Variants in TMPRSS11B observed in about 807,000 individuals in gnomAD.
TMPRSS11B encodes the protein transmembrane protease serine 11B.
Under a neutral mutation model 44.7 loss-of-function variants are expected in TMPRSS11B, and 53 were observed. The observed-to-expected ratio is 1.19, with a 90% CI of 0.95 to 1.49. TMPRSS11B has a LOEUF of 1.49. Among genes scored for constraint, TMPRSS11B ranks in the 40% most tolerant of loss-of-function variants. The probability of loss-of-function intolerance (pLI) is 0.00; values close to 1 mark genes in which losing one functional copy is unlikely to be tolerated. For synonymous variants in TMPRSS11B, 140 were observed against 159.2 expected (o/e 0.88, Z 0.91); for missense variants, 526 against 494.8 (o/e 1.06, Z -0.60).
chr4:68,232,371 A>G lies in TMPRSS11B; in HGVS notation c.508+7T>C. 1 of 1,611,634 alleles carries G rather than the reference A, an allele frequency of 6.2e-7. No homozygotes were observed. The highest frequency in any genetic ancestry group is 8.5e-7 in the Non-Finnish European group (1 of 1,178,924). On this transcript the variant is annotated splice_region_variant and intron_variant, in intron 6 of 9. Coordinates refer to ENST00000332644, the MANE Select transcript of TMPRSS11B (RefSeq NM_182502.3). Reference sequence around the variant, plus strand: ...TCAAATTTATAATTAAAAGGTCCTTAACTTACAGTTGTTGGTAAGCATTTC... The same window carrying G: ...TCAAATTTATAATTAAAAGGTCCTTGACTTACAGTTGTTGGTAAGCATTTC...
intron 2 of TMPRSS11B, among the ~76,000 whole-genome samples, chr4:68,236,706 T>C (rs1198479738): frequency 7.9e-5 from 12 of 152,176 alleles, no homozygotes; most frequent in Non-Finnish European, 1.5e-5. Context: ...ATGCACTAGA[T>C]ATAAAACATC....
At position 68,229,331 on chromosome 4, in the gene TMPRSS11B, A is replaced by G. The variant is rs749310958; in HGVS notation, c.872T>C (p.Leu291Pro). ...TGAGAGCTTCATTTTGGCTTCAGGA[A>G]GACAAATCTTACGAATGTACTCTGT... ...SFTEYIRKIC[L>P]PEAKMKLSEN... Residue 291 changes from leucine (L) to proline (P), a missense_variant, in exon 8 of 10, where the codon CTT becomes CCT. By Grantham distance (98) the Leu-to-Pro change is moderately conservative. Coordinates refer to ENST00000332644, the MANE Select transcript of TMPRSS11B (RefSeq NM_182502.3). 1.9e-6 allele frequency: 3 copies of G among 1,613,974 alleles called. No individual in the cohort carries two copies. In the South Asian group the frequency reaches 3.3e-5, roughly 18 times the overall value.
chr4:68,232,236 A>T (rs542861487), intron 6 of TMPRSS11B, 142 bp downstream of exon 6: 2 of 556,770 alleles, frequency 3.6e-6, no homozygotes, highest in East Asian at 3.5e-5. Context: ...AGAAATTCTA[A>T]GTCAATATCT....
At position 68,232,416 on chromosome 4, in the gene TMPRSS11B, T is replaced by A; in HGVS notation, c.470A>T (p.Glu157Val). 6.2e-7 allele frequency: 1 copy of A among 1,611,408 alleles called. No homozygotes were observed. The highest frequency in any genetic ancestry group is 1.1e-5 in the South Asian group (1 of 90,648). ...NAVPASIKLMEISKAASEMLT... is the reference protein window; with the variant it reads ...NAVPASIKLMVISKAASEMLT... ...CATTTCAGAAGCAGCCTTGCTGATT[T>A]CTGAAAGTGAAAAACAAAACAAAAT... The change falls in exon 6 of 10, where the codon GAA (glutamate) becomes GTA (valine). Residue 157 changes from glutamate to valine, a missense_variant and splice_region_variant. Glu to Val is a moderately radical substitution (Grantham distance 121). Transcript: ENST00000332644.
chr4:68,230,131 G>A (rs926564813), intron 7 of TMPRSS11B, among the ~76,000 whole-genome samples: 2 of 152,140 alleles, frequency 1.3e-5, no homozygotes, highest in Non-Finnish European at 2.9e-5. Flanking sequence ...ATTCCATGGT[G>A]TATATGACCC....
Position 68,233,773 on chromosome 4 carries a change from T to C in TMPRSS11B, c.469+690A>G, listed in dbSNP as rs143393212. On this transcript the variant is annotated intron_variant, in intron 5 of 9. Coordinates refer to ENST00000332644, the MANE Select transcript of TMPRSS11B (RefSeq NM_182502.3). ...TCACAAAAATCAATAAGAACTCCCATCCCTAACATTGTTCTTAACTCCTGC... is the reference window on the plus strand; with the variant it reads ...TCACAAAAATCAATAAGAACTCCCACCCCTAACATTGTTCTTAACTCCTGC... 2.5e-3 allele frequency among the ~76,000 whole-genome samples: 382 copies of C among 152,184 alleles called. 3 individuals carry two copies. Among genetic ancestry groups the C allele is most frequent in the South Asian group, 0.012 (57 of 4,812 alleles).
chr4:68,241,012 G>T (rs188514588), intron 2 of TMPRSS11B, among the ~76,000 whole-genome samples: 88 of 152,196 alleles, frequency 5.8e-4, no homozygotes, highest in Admixed American at 2.0e-3. Flanking sequence ...CTGAGCCCCA[G>T]TGTACTGTAT....
chr4:68,232,285 C>T (rs1719537177), intron 6 of TMPRSS11B, 93 bp downstream of exon 6: 1 of 1,248,286 alleles, frequency 8.0e-7, no homozygotes, highest in Non-Finnish European at 1.1e-6. Context: ...TATGGGATTT[C>T]CACATGACAT....
At chr4:68,238,600 G>A (rs1457278860) in intron 2 of TMPRSS11B, among the ~76,000 whole-genome samples, 2 of 151,504 alleles carry the variant, frequency 1.3e-5, no homozygotes, top group Non-Finnish European at 2.9e-5. Flanking sequence ...GTTGGCGAAC[G>A]CTGGTAGTCC....
intron 2 of TMPRSS11B, 133 bp from the exon 3 acceptor site, chr4:68,236,399 T>C (rs1235268340): frequency 1.5e-5 from 9 of 608,686 alleles, no homozygotes; most frequent in Admixed American, 5.9e-5. Flanking sequence ...CAACCATTTA[T>C]ACCTCTGCCT....
At position 68,237,285 on chromosome 4, in the gene TMPRSS11B, T is replaced by G. The variant is rs144455319; in HGVS notation, c.125-1019A>C. On this transcript the variant is annotated intron_variant, in intron 2 of 9. Coordinates refer to ENST00000332644, the MANE Select transcript of TMPRSS11B (RefSeq NM_182502.3). ...GACATGAACTCATTCTTTTTATGGCTGAATAGTACTCCATGGTGTATATGT... is the reference window on the plus strand; with the variant it reads ...GACATGAACTCATTCTTTTTATGGCGGAATAGTACTCCATGGTGTATATGT... Among the ~76,000 whole-genome samples, 58 of 152,312 alleles carry G rather than the reference T, an allele frequency of 3.8e-4. 1 individual carries two copies. The highest frequency in any genetic ancestry group is 1.3e-3 in the African/African-American group (56 of 41,576).
chr4:68,240,479 G>A (rs140226867), intron 2 of TMPRSS11B, among the ~76,000 whole-genome samples: 3 of 152,232 alleles, frequency 2.0e-5, no homozygotes, highest in Admixed American at 1.3e-4. Flanking sequence ...TCCAGCCAGG[G>A]TTCTGTAGTT....
chr4:68,236,323 A>G lies in TMPRSS11B; in HGVS notation c.125-57T>C, dbSNP rs183067436. The G allele has an allele frequency of 3.7e-6, 4 of 1,074,922 alleles. No individual in the cohort carries two copies. In the East Asian group the frequency reaches 1.0e-4, roughly 27 times the overall value. The allele number at this position is 1,074,922 out of a possible 1,614,324, so 66.6% of individuals were successfully genotyped here. A position where few individuals can be genotyped will look rare whatever the true frequency, so the allele number is the denominator to read the frequency against. ...ATTTTAAAGTGGAAAGTGACTTTAA[A>G]GCGATTTATACCTCTGCCTCAACAT... On this transcript the variant is annotated intron_variant, in intron 2 of 9. Transcript: ENST00000332644.
intron 2 of TMPRSS11B, among the ~76,000 whole-genome samples, chr4:68,238,433 C>T (rs558139734): frequency 4.8e-4 from 73 of 151,982 alleles, no homozygotes; most frequent in African/African-American, 1.7e-3. Flanking sequence ...ATCACAAAAA[C>T]TAAATTGCAG....
chr4:68,245,408 C>G (rs1719972308), intron 1 of TMPRSS11B, 143 bp downstream of exon 1: 2 of 911,008 alleles, frequency 2.2e-6, no homozygotes. Flanking sequence ...GTCTGTAGAC[C>G]TCAGACAATA....
intron 1 of TMPRSS11B, 43 bp downstream of exon 1, chr4:68,245,508 C>T (rs770496519): frequency 1.2e-6 from 2 of 1,606,402 alleles, no homozygotes; most frequent in Non-Finnish European, 8.5e-7. Context: ...TGGCAACTTG[C>T]TACATTTTGC....
At chr4:68,232,286 C>A in intron 6 of TMPRSS11B, 92 bp downstream of exon 6, 1 of 1,258,858 alleles carries the variant, frequency 7.9e-7, no homozygotes, top group Non-Finnish European at 1.1e-6. Context: ...ATGGGATTTC[C>A]ACATGACATA....
intron 1 of TMPRSS11B, among the ~76,000 whole-genome samples, chr4:68,243,288 C>T (rs1719907722): frequency 6.6e-6 from 1 of 152,046 alleles, no homozygotes; most frequent in African/African-American, 2.4e-5. Flanking sequence ...GTATGTGAAC[C>T]TTTTTGTTCT....
chr4:68,237,593 C>A (rs548726011), intron 2 of TMPRSS11B, among the ~76,000 whole-genome samples: 1 of 152,266 alleles, frequency 6.6e-6, no homozygotes, highest in South Asian at 2.1e-4. Flanking sequence ...TATTTCCCTA[C>A]AGCATATGAT....
Sources: allele counts gnomAD v4.1 joint callset (sites outside exome capture counted in the v4.1 genomes callset), GRCh38; gene constraint gnomAD v4.1.1; transcripts MANE v1.5; gene names NCBI Gene and HGNC (gene_info 2026-07-23, HGNC 2026-07-21).